Variants in ADORA2B observed in about 807,000 individuals in gnomAD.
The protein encoded by ADORA2B is adenosine A2b receptor, also known as adenosine receptor A2b.
A neutral mutation model predicts 20.8 loss-of-function variants in ADORA2B; 18 were observed. The observed-to-expected ratio is 0.87, with a 90% CI of 0.60 to 1.29. ADORA2B has a LOEUF of 1.29. Ranked by LOEUF, ADORA2B falls within the 50% of genes most tolerant of loss-of-function variation. The pLI is 0.00. For missense variants in ADORA2B, 441 were observed against 422.7 expected, an observed-to-expected ratio of 1.04 and a Z score of -0.38; for synonymous variants, 179 against 178.3, an observed-to-expected ratio of 1.00 and a Z score of -0.03.
At chr17:15,903,858 C>T in the ADORA2B span, among the ~76,000 whole-genome samples, 2 of 152,184 alleles carry the variant, frequency 1.3e-5, no homozygotes, top group East Asian at 3.9e-4. Context: ...CATAGTATCT[C>T]GTGGCTTTCA....
intron 1 of ADORA2B, among the ~76,000 whole-genome samples, chr17:15,964,826 C>T (rs891571064): frequency 1.8e-4 from 27 of 151,546 alleles, no homozygotes; most frequent in Non-Finnish European, 3.5e-4. Context: ...CTTTGGGAGG[C>T]CAAGGTGGGC....
chr17:15,868,337 C>G, the ADORA2B span, among the ~76,000 whole-genome samples: 5 of 135,642 alleles, frequency 3.7e-5, 1 homozygote, highest in South Asian at 1.2e-3. Context: ...TGCCAAATCC[C>G]CCTCTGCGAG....
the ADORA2B span, among the ~76,000 whole-genome samples, chr17:15,913,307 T>C: frequency 6.6e-6 from 1 of 152,242 alleles, no homozygotes; most frequent in South Asian, 2.1e-4. Context: ...AAATAGATAA[T>C]TTTTGATTAA....
At chr17:15,923,141 G>A in the ADORA2B span, among the ~76,000 whole-genome samples, 1 of 149,026 alleles carries the variant, frequency 6.7e-6, no homozygotes, top group South Asian at 2.1e-4. Context: ...TCGTGCCTCA[G>A]CCTCTCGAGT....
chr17:15,975,283 G>C lies in ADORA2B; in HGVS notation c.940G>C (p.Asp314His). Residue 314 changes from aspartate to histidine, a missense_variant, in exon 2 of 2, where the codon GAT becomes CAT. Coordinates refer to ENST00000304222, the MANE Select transcript of ADORA2B (RefSeq NM_000676.4). The part of the protein sequence containing the change: ...IISRYLLCQA[D>H]VKSGNGQAGV... ...CTCCAGGTATCTTCTCTGCCAAGCAGATGTCAAGAGTGGGAATGGTCAGGC... is the reference window on the plus strand; with the variant it reads ...CTCCAGGTATCTTCTCTGCCAAGCACATGTCAAGAGTGGGAATGGTCAGGC... The C allele has an allele frequency of 6.2e-7, 1 of 1,613,518 alleles. No individual in the cohort carries two copies. Among genetic ancestry groups the C allele is most frequent in the Non-Finnish European group, 8.5e-7 (1 of 1,180,034 alleles).
At chr17:15,960,699 G>A (rs547758156) in intron 1 of ADORA2B, among the ~76,000 whole-genome samples, 1 of 151,682 alleles carries the variant, frequency 6.6e-6, no homozygotes, top group African/African-American at 2.4e-5. Context: ...GTGAAACCCC[G>A]TCTCTACTAA....
the ADORA2B span, among the ~76,000 whole-genome samples, chr17:15,895,229 A>T: frequency 5.3e-5 from 8 of 152,164 alleles, no homozygotes; most frequent in Non-Finnish European, 1.0e-4. Flanking sequence ...AAACACCTTC[A>T]CGGAAACATC....
At chr17:15,912,991 G>T in the ADORA2B span, among the ~76,000 whole-genome samples, 1 of 152,230 alleles carries the variant, frequency 6.6e-6, no homozygotes, top group Non-Finnish European at 1.5e-5. Context: ...TCGTCAGATG[G>T]TGATGGAGAG....
chr17:15,867,144 C>T, the ADORA2B span, among the ~76,000 whole-genome samples: 2 of 152,176 alleles, frequency 1.3e-5, no homozygotes, highest in African/African-American at 4.8e-5. Flanking sequence ...ACAACCTCCA[C>T]CTCCCAGCTG....
chr17:15,972,854 G>A (rs1212575071), intron 1 of ADORA2B, among the ~76,000 whole-genome samples: 1 of 152,096 alleles, frequency 6.6e-6, no homozygotes, highest in African/African-American at 2.4e-5. Context: ...CTGGGCTCAA[G>A]TGATCCTGAC....
the ADORA2B span, among the ~76,000 whole-genome samples, chr17:15,854,783 C>T: frequency 3.3e-5 from 5 of 152,132 alleles, no homozygotes; most frequent in Non-Finnish European, 7.3e-5. Context: ...CCAGGATATT[C>T]GTTTCCTAAT....
chr17:15,936,272 C>T, the ADORA2B span, among the ~76,000 whole-genome samples: 3 of 151,872 alleles, frequency 2.0e-5, no homozygotes, highest in Non-Finnish European at 4.4e-5. Flanking sequence ...GGTGAGACAT[C>T]TTTCTTTCAA....
At chr17:15,884,447 G>A in the ADORA2B span, among the ~76,000 whole-genome samples, 2 of 151,896 alleles carry the variant, frequency 1.3e-5, no homozygotes, top group South Asian at 2.1e-4. Flanking sequence ...AGGATGTGTA[G>A]GTTTGTTACA....
At chr17:15,915,539 A>C in the ADORA2B span, among the ~76,000 whole-genome samples, 1 of 152,186 alleles carries the variant, frequency 6.6e-6, no homozygotes, top group Non-Finnish European at 1.5e-5. Context: ...AGTTATAGTT[A>C]CCAAGCTGTG....
chr17:15,884,608 C>A, the ADORA2B span, among the ~76,000 whole-genome samples: 1 of 152,052 alleles, frequency 6.6e-6, no homozygotes, highest in Non-Finnish European at 1.5e-5. Context: ...ATGTGTTGTT[C>A]CCGCACATGT....
upstream of ADORA2B, among the ~76,000 whole-genome samples, chr17:15,944,092 T>C (rs550789693): frequency 2.0e-5 from 3 of 152,206 alleles, no homozygotes; most frequent in East Asian, 1.9e-4. The surrounding 1 kb of genome is among the most constrained non-coding windows in gnomAD (Gnocchi z 4.8). Context: ...CTGCTGATCA[T>C]TGGGACGTGG....
At chr17:15,866,909 C>T in the ADORA2B span, among the ~76,000 whole-genome samples, 22 of 152,072 alleles carry the variant, frequency 1.4e-4, no homozygotes, top group South Asian at 4.4e-3. Context: ...CTCAGCCTGC[C>T]GAGTGCCTGC....
intron 1 of ADORA2B, among the ~76,000 whole-genome samples, chr17:15,963,334 A>C (rs1043883634): frequency 6.6e-6 from 1 of 152,196 alleles, no homozygotes; most frequent in African/African-American, 2.4e-5. Context: ...CCTGCTAATT[A>C]AAATGGGAAA....
At chr17:15,958,678 T>A (rs1970000332) in intron 1 of ADORA2B, among the ~76,000 whole-genome samples, 1 of 152,192 alleles carries the variant, frequency 6.6e-6, no homozygotes, top group Non-Finnish European at 1.5e-5. Context: ...CTCAGGCCTT[T>A]GCGCATGTGT....
Sources: gnomAD v4.1 joint callset for allele counts (sites outside exome capture counted in the v4.1 genomes callset) on GRCh38, gnomAD v4.1.1 for gene constraint, Gnocchi (gnomAD v3.1) non-coding constraint, MANE v1.5 for transcripts, NCBI Gene and HGNC (gene_info 2026-07-23, HGNC 2026-07-21) for gene names.